PRICKLE2: variants seen among roughly 807,000 people sequenced by gnomAD.
PRICKLE2 encodes prickle planar cell polarity protein 2.
In PRICKLE2, 21 loss-of-function variants were observed where a neutral mutation model predicts 81.4. The ratio of observed to expected loss-of-function variants is 0.26; its 90% CI spans 0.18 to 0.37. PRICKLE2 has a LOEUF of 0.37. Among genes scored for constraint, PRICKLE2 ranks in the 10% least tolerant of loss-of-function variants. The probability of loss-of-function intolerance (pLI) is 1.00; values close to 1 mark genes in which losing one functional copy is unlikely to be tolerated. For missense variants in PRICKLE2, 940 were observed against 1,109.0 expected, an observed-to-expected ratio of 0.85 and a Z score of 2.16; for synonymous variants, 456 against 421.5, an observed-to-expected ratio of 1.08 and a Z score of -1.00.
At chr3:64,216,469 G>C (rs566608278) in intron 1 of PRICKLE2, among the ~76,000 whole-genome samples, 2 of 152,342 alleles carry the variant, frequency 1.3e-5, no homozygotes, top group African/African-American at 4.8e-5. Flanking sequence ...CAAAGTCAGC[G>C]CCTTACATCT....
intron 2 of PRICKLE2, among the ~76,000 whole-genome samples, chr3:64,234,650 T>C (rs764166669): frequency 3.9e-5 from 6 of 152,204 alleles, no homozygotes; most frequent in Non-Finnish European, 7.3e-5. Context: ...CATAAAGATT[T>C]CTAATTTTGA....
intron 2 of PRICKLE2, among the ~76,000 whole-genome samples, chr3:64,264,173 C>T (rs2079660289): frequency 6.6e-6 from 1 of 152,070 alleles, no homozygotes; most frequent in Non-Finnish European, 1.5e-5. Context: ...GTCCAGGTCC[C>T]CCGCATGGCC....
chr3:64,230,911 T>A (rs1338467350), intron 2 of PRICKLE2, among the ~76,000 whole-genome samples: 2 of 152,194 alleles, frequency 1.3e-5, no homozygotes, highest in Non-Finnish European at 2.9e-5. Context: ...GAGCTGCAAA[T>A]ATAAATGATA....
chr3:64,119,921 C>A (rs2076999014), intron 7 of PRICKLE2, among the ~76,000 whole-genome samples: 1 of 152,184 alleles, frequency 6.6e-6, no homozygotes, highest in African/African-American at 2.4e-5. Context: ...ATCGATACAG[C>A]TGGAGGCCAT....
At chr3:64,115,768 C>A (rs1213382323) in intron 7 of PRICKLE2, among the ~76,000 whole-genome samples, 1 of 151,410 alleles carries the variant, frequency 6.6e-6, no homozygotes, top group Non-Finnish European at 1.5e-5. Flanking sequence ...TACAGCCCCA[C>A]TGACAATATT....
intron 7 of PRICKLE2, among the ~76,000 whole-genome samples, chr3:64,112,841 G>C (rs1357656554): frequency 6.6e-6 from 1 of 152,198 alleles, no homozygotes; most frequent in African/African-American, 2.4e-5. Flanking sequence ...AATGAGCAAA[G>C]GGGGAGAAGG....
chr3:64,172,746 A>G (rs1167606521), intron 2 of PRICKLE2, among the ~76,000 whole-genome samples: 1 of 152,206 alleles, frequency 6.6e-6, no homozygotes, highest in Non-Finnish European at 1.5e-5. Flanking sequence ...ATGTGTGACT[A>G]TATTTATAGA....
intron 7 of PRICKLE2, among the ~76,000 whole-genome samples, chr3:64,143,122 G>T (rs1347703949): frequency 1.3e-5 from 2 of 152,074 alleles, no homozygotes; most frequent in African/African-American, 2.4e-5. Context: ...TTCTAGCAGG[G>T]TCACCTCTAG....
intron 1 of PRICKLE2, among the ~76,000 whole-genome samples, chr3:64,203,841 G>T (rs2078632203): frequency 6.6e-6 from 1 of 151,354 alleles, no homozygotes; most frequent in African/African-American, 2.4e-5. Flanking sequence ...AGCTGGGCAT[G>T]GTGGTGGGCA....
chr3:64,198,303 T>C (rs2078501827), intron 2 of PRICKLE2, among the ~76,000 whole-genome samples: 1 of 152,104 alleles, frequency 6.6e-6, no homozygotes, highest in Non-Finnish European at 1.5e-5. Flanking sequence ...AACGTTTTTG[T>C]TGGACATAGA....
rs397936636 is a variant in PRICKLE2 at position 64,142,313 on chromosome 3, C to CTTT, written c.1660+4514_1660+4516dup. 1.3e-3 allele frequency among the ~76,000 whole-genome samples: 167 copies of CTTT among 132,742 alleles called. 1 individual carries two copies. The highest frequency in any genetic ancestry group is 8.1e-3 in the Middle Eastern group (2 of 248). The allele number at this position is 132,742 out of a possible 152,430, so 87.1% of individuals were successfully genotyped here. ...GCAGGAGTATTTTCTTTCTTTCTTTCTTTTTTTTTTTTTTTTTAGACAGAG... is the reference window on the plus strand; with the variant it reads ...GCAGGAGTATTTTCTTTCTTTCTTTCTTTTTTTTTTTTTTTTTTTTAGACAGAG... On this transcript the variant is annotated intron_variant, in intron 7 of 7. Coordinates refer to ENST00000638394, the MANE Select transcript of PRICKLE2 (RefSeq NM_198859.4).
chr3:64,196,743 C>A (rs1254265590), intron 2 of PRICKLE2, among the ~76,000 whole-genome samples: 4 of 152,032 alleles, frequency 2.6e-5, no homozygotes, highest in Non-Finnish European at 5.9e-5. Flanking sequence ...AACGGAAGTG[C>A]CTGTAGGTTT....
chr3:64,213,320 C>A (rs558079605), intron 1 of PRICKLE2, among the ~76,000 whole-genome samples: 1 of 152,218 alleles, frequency 6.6e-6, no homozygotes, highest in African/African-American at 2.4e-5. Flanking sequence ...CTCAGGTAAT[C>A]CACCCGCCTT....
intron 2 of PRICKLE2, among the ~76,000 whole-genome samples, chr3:64,177,520 AC>A (rs1575623587): frequency 6.6e-6 from 1 of 151,968 alleles, no homozygotes; most frequent in Non-Finnish European, 1.5e-5. Context: ...TCGTCACAAA[AC>A]TTTTTCATCA....
At chr3:64,163,463 T>G in intron 2 of PRICKLE2, 1 of 377,640 alleles carries the variant, frequency 2.6e-6, no homozygotes, top group Non-Finnish European at 5.1e-6. Context: ...GAGCTGGCTT[T>G]ACCATTTTCT....
intron 2 of PRICKLE2, chr3:64,190,264 TTTTTGTTTTG>T (rs980354700): frequency 6.6e-6 from 1 of 152,208 alleles, no homozygotes; most frequent in African/African-American, 2.4e-5. Context: ...TGAAGCTGTT[TTTTTGTTTTG>T]TTTTGTTTTG....
intron 2 of PRICKLE2, among the ~76,000 whole-genome samples, chr3:64,259,686 A>AAGTATCCTT (rs2079587925): frequency 2.0e-5 from 3 of 152,184 alleles, no homozygotes; most frequent in Non-Finnish European, 4.4e-5. Flanking sequence ...ATGTCACCTC[A>AAGTATCCTT]AGTATCCTTA....
chr3:64,113,965 A>G (rs2076893333), intron 7 of PRICKLE2, among the ~76,000 whole-genome samples: 1 of 152,234 alleles, frequency 6.6e-6, no homozygotes, highest in Non-Finnish European at 1.5e-5. Context: ...GCACCCCTGC[A>G]TCTGCTAGCA....
intron 2 of PRICKLE2, among the ~76,000 whole-genome samples, chr3:64,170,932 C>T (rs902820328): frequency 6.6e-6 from 1 of 152,040 alleles, no homozygotes; most frequent in Admixed American, 6.6e-5. Flanking sequence ...AAAACAACAA[C>T]CCTGGATTAT....
Sources: gnomAD v4.1 joint callset for allele counts (sites outside exome capture counted in the v4.1 genomes callset) on GRCh38, gnomAD v4.1.1 for gene constraint, MANE v1.5 for transcripts, NCBI Gene and HGNC (gene_info 2026-07-23, HGNC 2026-07-21) for gene names.